Variants in OXNAD1 observed in about 807,000 individuals in gnomAD.
OXNAD1 encodes the protein oxidoreductase NAD-binding domain-containing protein 1.
A neutral mutation model predicts 32.9 loss-of-function variants in OXNAD1; 34 were observed. The ratio of observed to expected loss-of-function variants is 1.03; its 90% confidence interval spans 0.79 to 1.38. OXNAD1 has a LOEUF of 1.38. Among genes scored for constraint, OXNAD1 ranks in the 40% most tolerant of loss-of-function variants. OXNAD1 has a pLI of 0.00. For missense variants in OXNAD1, 407 were observed against 379.4 expected (o/e 1.07, Z -0.60); for synonymous variants, 134 against 135.2 (o/e 0.99, Z 0.06).
At position 16,302,648 on chromosome 3, in the gene OXNAD1, C is replaced by A; in HGVS notation, c.684C>A (p.Ile228=). The change falls in exon 8 of 9, where the codon ATC becomes ATA. Residue 228 remains isoleucine, a synonymous_variant. Transcript: ENST00000285083. This position sits in a 1 kb window ranked among gnomAD's most constrained non-coding sequence, Gnocchi z 4.2. ...NTSELLFKKN[I]LDLVNEFPEK... ...TATGTTTGACATTCCAGAAAAATAT[C>A]CTTGATTTAGTAAATGAATTTCCTG... 5 of 1,608,384 alleles carry A rather than the reference C, an allele frequency of 3.1e-6. No individual in the cohort carries two copies. Among genetic ancestry groups the A allele is most frequent in the Non-Finnish European group, 4.3e-6 (5 of 1,175,816 alleles).
chr3:16,351,278 C>G (rs970281202), downstream of OXNAD1, among the ~76,000 whole-genome samples: 1 of 152,178 alleles, frequency 6.6e-6, no homozygotes, highest in Non-Finnish European at 1.5e-5. This position sits in a 1 kb window ranked among gnomAD's most constrained non-coding sequence, Gnocchi z 5.4. Flanking sequence ...TTGATCCAGT[C>G]TGTTTGCCAT....
chr3:16,285,342 A>G (rs982485935), intron 4 of OXNAD1, among the ~76,000 whole-genome samples: 1 of 152,284 alleles, frequency 6.6e-6, no homozygotes, highest in South Asian at 2.1e-4. Flanking sequence ...TTTCCAAAGC[A>G]CCCTTTGGTG....
intron 4 of OXNAD1, chr3:16,276,537 A>G (rs1435484454): frequency 2.6e-5 from 4 of 154,914 alleles, no homozygotes; most frequent in Non-Finnish European, 4.0e-5. Context: ...TTTTTTTACC[A>G]CTTTTCAAGT....
chr3:16,308,912 T>C (rs1446958752), downstream of OXNAD1, among the ~76,000 whole-genome samples: 1 of 152,120 alleles, frequency 6.6e-6, no homozygotes, highest in Non-Finnish European at 1.5e-5. This position sits in a 1 kb window ranked among gnomAD's most constrained non-coding sequence, Gnocchi z 4.4. Context: ...CTAATAAATA[T>C]GACCAAAAAT....
At chr3:16,338,202 G>T (rs890750214), downstream of OXNAD1, among the ~76,000 whole-genome samples, 2 of 152,236 alleles carry the variant, frequency 1.3e-5, no homozygotes, top group African/African-American at 2.4e-5. The surrounding 1 kb of genome is among the most constrained non-coding windows in gnomAD (Gnocchi z 5.3). Flanking sequence ...GGATGGAAGG[G>T]CAGGAGATGG....
At position 16,287,156 on chromosome 3, in the gene OXNAD1, AT is replaced by A. The variant is rs2066131846; in HGVS notation, c.290+711del. ...TTCAATTGTAAGGAAAGCAACTTGA[AT>A]TTCCCTAGGAAAGGTGTGTTTGGGT... On this transcript the variant is annotated intron_variant, in intron 5 of 8. Coordinates refer to ENST00000285083, the MANE Select transcript of OXNAD1 (RefSeq NM_138381.5). This position sits in a 1 kb window ranked among gnomAD's most constrained non-coding sequence, Gnocchi z 4.8. Among the ~76,000 whole-genome samples, 1 of 152,140 alleles carries A rather than the reference AT, an allele frequency of 6.6e-6. No individual in the cohort carries two copies. The highest frequency in any genetic ancestry group is 1.5e-5 in the Non-Finnish European group (1 of 68,024).
chr3:16,323,979 C>A (rs2459641), intron 9 of OXNAD1, among the ~76,000 whole-genome samples: 1 of 152,000 alleles, frequency 6.6e-6, no homozygotes, highest in East Asian at 1.9e-4. Context: ...GCCTGTTAAC[C>A]AGCTCTGGCT....
At chr3:16,273,989 A>G (rs1182099914) in intron 4 of OXNAD1, among the ~76,000 whole-genome samples, 8 of 152,186 alleles carry the variant, frequency 5.3e-5, no homozygotes, top group Admixed American at 2.6e-4. Flanking sequence ...TAAAATATAC[A>G]TAAGTGGGAA....
intron 4 of OXNAD1, among the ~76,000 whole-genome samples, chr3:16,282,994 T>C (rs1308631931): frequency 6.6e-6 from 1 of 151,988 alleles, no homozygotes; most frequent in Non-Finnish European, 1.5e-5. Context: ...AAAGAAATTC[T>C]CAGCTTAGGG....
chr3:16,326,929 G>A (rs62233922), intron 9 of OXNAD1: 255,411 of 1,368,940 alleles, frequency 0.19, 25,212 homozygotes, highest in African/African-American at 0.39. Context: ...CCAACTCCCA[G>A]GCAATGAGAG....
At chr3:16,281,848 G>GATTATTAT (rs2065761025) in intron 4 of OXNAD1, among the ~76,000 whole-genome samples, 2 of 148,918 alleles carry the variant, frequency 1.3e-5, no homozygotes, top group South Asian at 4.2e-4. Context: ...TATTTTAACA[G>GATTATTAT]ATTATTATAT....
In OXNAD1 at chr3:16,286,574, G is replaced by C. The variant is rs527896649; in HGVS notation, c.290+126G>C. ...GGAAGAGGAATTCTAAATCATATCT[G>C]CTCAGGGTGAGCCTTTGTTGGCACA... On this transcript the variant is annotated intron_variant, in intron 5 of 8. Transcript: ENST00000285083. 1.0e-5 allele frequency: 8 copies of C among 763,770 alleles called. No homozygotes were observed. The African/African-American group carries it at 1.4e-4, about 13-fold the overall frequency. 47.3% of individuals were successfully genotyped at this position (763,770 alleles called of 1,614,324 possible).
At position 16,294,946 on chromosome 3, in the gene OXNAD1, A is replaced by T; in HGVS notation, c.381A>T (p.Glu127Asp). The change falls in exon 6 of 9, where the codon GAA (glutamate) becomes GAT (aspartate). Residue 127 changes from glutamate (E) to aspartate (D), a missense_variant. Coordinates refer to ENST00000285083, the MANE Select transcript of OXNAD1 (RefSeq NM_138381.5). ...TGCTAGAACAAGAGAGAGTGATAGA[A>T]TTGGCAGTGAAATATACGAACCACC... ...PRLLEQERVIELAVKYTNHPP... is the reference protein window; with the variant it reads ...PRLLEQERVIDLAVKYTNHPP... The T allele has an allele frequency of 3.1e-6, 5 of 1,613,256 alleles. No individual in the cohort carries two copies. The highest frequency in any genetic ancestry group is 3.4e-6 in the Non-Finnish European group (4 of 1,179,568).
Position 16,345,021 on chromosome 3 carries a change from C to A in OXNAD1, c.*31-4155C>A, listed in dbSNP as rs1346475805. The A allele has an allele frequency of 1.3e-5, 2 of 152,206 alleles. No homozygotes were observed. Among genetic ancestry groups the A allele is most frequent in the African/African-American group, 4.8e-5 (2 of 41,438 alleles). 9.4% of individuals were successfully genotyped at this position (152,206 alleles called of 1,614,324 possible). ...AAAGCATAAGAAATGGGGGCAGCCC[C>A]CAGGAGCAAGGACCAGCTCCTGGAT... On this transcript the variant is annotated intron_variant, in intron 9 of 9. Transcript: ENST00000606098. The surrounding 1 kb of genome is among the most constrained non-coding windows in gnomAD (Gnocchi z 5.2).
intron 4 of OXNAD1, among the ~76,000 whole-genome samples, chr3:16,279,686 G>T (rs986501865): frequency 2.6e-5 from 4 of 151,936 alleles, no homozygotes; most frequent in Non-Finnish European, 5.9e-5. Context: ...TTGGAGCCAG[G>T]GGGAAAAGTA....
Position 16,334,278 on chromosome 3 carries a change from C to T in OXNAD1, c.*31-2834C>T, listed in dbSNP as rs571451862. ...AGGCAGCCCGCTTTGTTGCCAAGGC[C>T]GTGGGGAAGCATGCGTTCTTGTACA... On this transcript the variant is annotated intron_variant, in intron 9 of 9. Transcript: ENST00000435829. The surrounding 1 kb of genome is among the most constrained non-coding windows in gnomAD (Gnocchi z 4.3). 7.2e-5 allele frequency among the ~76,000 whole-genome samples: 11 copies of T among 152,274 alleles called. No individual in the cohort carries two copies. The South Asian group carries it at 1.5e-3, about 20-fold the overall frequency.
Position 16,306,037 on chromosome 3 carries a change from T to G in OXNAD1, c.*2475T>G, listed in dbSNP as rs181715337. 1.3e-5 allele frequency: 2 copies of G among 152,004 alleles called. No individual in the cohort carries two copies. The highest frequency in any genetic ancestry group is 2.1e-4 in the South Asian group (1 of 4,820). 9.4% of individuals were successfully genotyped at this position (152,004 alleles called of 1,614,324 possible). A position where few individuals can be genotyped will look rare whatever the true frequency, so the allele number is the denominator to read the frequency against. Reference sequence around the variant, plus strand: ...CACAAAATAGGTATTTCATAAATATTTGTTAATATGCTCAGAGTTGATAAG... The same window carrying G: ...CACAAAATAGGTATTTCATAAATATGTGTTAATATGCTCAGAGTTGATAAG... On this transcript the variant is annotated 3_prime_UTR_variant, in exon 9 of 9. Coordinates refer to ENST00000285083, the MANE Select transcript of OXNAD1 (RefSeq NM_138381.5).
intron 4 of OXNAD1, among the ~76,000 whole-genome samples, chr3:16,285,742 T>C (rs555591687): frequency 6.6e-6 from 1 of 152,316 alleles, no homozygotes; most frequent in South Asian, 2.1e-4. Context: ...TATCGTGTGA[T>C]AAAAAATGAA....
At position 16,336,487 on chromosome 3, in the gene OXNAD1, C is replaced by T. The variant is rs1041185902; in HGVS notation, c.*31-625C>T. Reference sequence around the variant, plus strand: ...TCACCCTCAGCCTCCCAGGCCTCTGCGGGAGGGAGGGACAGGCACGCTGGC... The same window carrying T: ...TCACCCTCAGCCTCCCAGGCCTCTGTGGGAGGGAGGGACAGGCACGCTGGC... On this transcript the variant is annotated intron_variant, in intron 9 of 9. Transcript: ENST00000435829. The surrounding 1 kb of genome is among the most constrained non-coding windows in gnomAD (Gnocchi z 6.0). Among the ~76,000 whole-genome samples the T allele has an allele frequency of 1.1e-4, 17 of 152,126 alleles. No homozygotes were observed. Among genetic ancestry groups the T allele is most frequent in the Non-Finnish European group, 2.4e-4 (16 of 67,998 alleles).
Sources: allele counts gnomAD v4.1 joint callset (sites outside exome capture counted in the v4.1 genomes callset), GRCh38; gene constraint gnomAD v4.1.1; non-coding constraint Gnocchi (gnomAD v3.1); transcripts MANE v1.5; gene names NCBI Gene and HGNC (gene_info 2026-07-23, HGNC 2026-07-21).